The following KIAA2012 variants were observed in gnomAD, a reference collection of about 807,000 sequenced individuals.
KIAA2012 encodes uncharacterized protein KIAA2012.
Under a neutral mutation model 150.6 loss-of-function variants are expected in KIAA2012, and 125 were observed. The observed-to-expected ratio is 0.83, with a 90% confidence interval of 0.72 to 0.96. The LOEUF is 0.96. Among genes scored for constraint, KIAA2012 ranks in the 40% least tolerant of loss-of-function variants. The pLI is 0.00. For synonymous variants in KIAA2012, 462 were observed against 504.7 expected (o/e 0.92, Z 1.13); for missense variants, 1,219 against 1,354.9 (o/e 0.90, Z 1.57).
chr2:202,088,634 C>A (rs1414735901), intron 2 of KIAA2012, among the ~76,000 whole-genome samples: 1 of 152,154 alleles, frequency 6.6e-6, no homozygotes, highest in Non-Finnish European at 1.5e-5. Context: ...CATAAGCTGG[C>A]TCAGTGGAAC....
chr2:202,136,797 C>G (rs1007661619), intron 12 of KIAA2012: 41 of 152,330 alleles, frequency 2.7e-4, no homozygotes, highest in African/African-American at 9.4e-4. Flanking sequence ...CAGCGGCGGG[C>G]TGAAGGGCTC....
chr2:202,148,871 G>A (rs754284400), intron 13 of KIAA2012, among the ~76,000 whole-genome samples: 2 of 152,120 alleles, frequency 1.3e-5, no homozygotes, highest in African/African-American at 2.4e-5. Flanking sequence ...TGTATACAAC[G>A]CCCGGCCCAT....
intron 14 of KIAA2012, among the ~76,000 whole-genome samples, chr2:202,160,527 A>C (rs1376046067): frequency 6.6e-6 from 1 of 151,910 alleles, no homozygotes; most frequent in Non-Finnish European, 1.5e-5. Context: ...GTTAGCCAGC[A>C]TGGTCTCGAT....
At chr2:202,077,111 A>G (rs1482466265) in intron 2 of KIAA2012, 1 of 451,880 alleles carries the variant, frequency 2.2e-6, no homozygotes, top group Non-Finnish European at 4.4e-6. Context: ...TGACCCCACC[A>G]GCTCCTCCCT....
chr2:202,148,252 C>T (rs572130837), intron 13 of KIAA2012, among the ~76,000 whole-genome samples: 1 of 152,268 alleles, frequency 6.6e-6, no homozygotes, highest in East Asian at 1.9e-4. Flanking sequence ...AAATGAGCCC[C>T]TCACAGGAGC....
chr2:202,097,103 T>G (rs1264129899), intron 4 of KIAA2012, among the ~76,000 whole-genome samples: 1 of 152,154 alleles, frequency 6.6e-6, no homozygotes, highest in Admixed American at 6.5e-5. Flanking sequence ...CAAGGGGCTG[T>G]CACATTCATT....
At chr2:202,195,692 C>T (rs879373689) in intron 21 of KIAA2012, among the ~76,000 whole-genome samples, 4 of 152,182 alleles carry the variant, frequency 2.6e-5, no homozygotes, top group Admixed American at 2.6e-4. Context: ...CAACCCCCTA[C>T]CCTTCCCTGC....
intron 15 of KIAA2012, among the ~76,000 whole-genome samples, chr2:202,180,627 C>T (rs1321745804): frequency 6.6e-6 from 1 of 152,118 alleles, no homozygotes; most frequent in Non-Finnish European, 1.5e-5. Context: ...GGTTTAAGAC[C>T]AGCCTGGCCA....
chr2:202,113,500 T>C (rs1294386344), intron 11 of KIAA2012, 54 bp downstream of exon 11: 5 of 1,297,850 alleles, frequency 3.9e-6, no homozygotes, highest in Non-Finnish European at 5.3e-6. Flanking sequence ...AAGGGGAAGA[T>C]GTTACCTGCA....
intron 18 of KIAA2012, among the ~76,000 whole-genome samples, chr2:202,189,427 G>A (rs1052823396): frequency 6.6e-6 from 1 of 151,754 alleles, no homozygotes. Flanking sequence ...GAGTACCTGG[G>A]ATTATAGGCA....
At chr2:202,148,249 C>A (rs553907415) in intron 13 of KIAA2012, among the ~76,000 whole-genome samples, 4 of 152,266 alleles carry the variant, frequency 2.6e-5, no homozygotes, top group African/African-American at 9.6e-5. Context: ...ACGAAATGAG[C>A]CCCTCACAGG....
At position 202,100,339 on chromosome 2, in the gene KIAA2012, AGAAGCAGCC is replaced by A; in HGVS notation, c.1046_1054del (p.Arg349_His352delinsAsn). ...AAGGAACGTGAAACTCCACAAGGCC[AGAAGCAGCC>A]ACTTGTTACAGGTGCTTCCTGCTGA... On this transcript the variant is annotated inframe_deletion, in exon 7 of 24. Coordinates refer to ENST00000498697, the MANE Select transcript of KIAA2012 (RefSeq NM_001277372.4). 6.4e-7 allele frequency: 1 copy of A among 1,550,634 alleles called. No homozygotes were observed.
intron 13 of KIAA2012, among the ~76,000 whole-genome samples, chr2:202,151,111 A>G (rs1180500858): frequency 6.6e-6 from 1 of 152,030 alleles, no homozygotes; most frequent in African/African-American, 2.4e-5. Flanking sequence ...TAATCAGACC[A>G]CAGGGCCAGG....
chr2:202,098,947 G>A (rs1689971811), intron 5 of KIAA2012, among the ~76,000 whole-genome samples: 1 of 149,548 alleles, frequency 6.7e-6, no homozygotes, highest in Non-Finnish European at 1.5e-5. Flanking sequence ...AGGGGGAGAA[G>A]AGCCACAGAG....
At chr2:202,181,547 A>G (rs1414128970) in intron 15 of KIAA2012, among the ~76,000 whole-genome samples, 1 of 151,968 alleles carries the variant, frequency 6.6e-6, no homozygotes, top group African/African-American at 2.4e-5. Flanking sequence ...ATGCCACTGC[A>G]CTCCACCCTG....
At position 202,190,445 on chromosome 2, in the gene KIAA2012, T is replaced by C; in HGVS notation, c.2763T>C (p.Thr921=). 1 of 1,547,258 alleles carries C rather than the reference T, an allele frequency of 6.5e-7. No individual in the cohort carries two copies. The highest frequency in any genetic ancestry group is 8.7e-7 in the Non-Finnish European group (1 of 1,145,022). Residue 921 remains threonine (T), a synonymous_variant, in exon 19 of 24, where the codon ACT becomes ACC. Coordinates refer to ENST00000498697, the MANE Select transcript of KIAA2012 (RefSeq NM_001277372.4). ...RSSPSQIATV[T]GNMESKEERR... is the part of the protein sequence containing the mutation. Reference sequence around the variant, plus strand: ...CACCCTCTCAGATTGCAACTGTCACTGGCAACATGGAATCTAAAGAAGAGA... The same window carrying C: ...CACCCTCTCAGATTGCAACTGTCACCGGCAACATGGAATCTAAAGAAGAGA...
chr2:202,134,426 C>T (rs1162928426), intron 12 of KIAA2012, among the ~76,000 whole-genome samples: 3 of 152,188 alleles, frequency 2.0e-5, no homozygotes, highest in Non-Finnish European at 4.4e-5. Flanking sequence ...CCAGGTGGCC[C>T]GCCTGGCCTA....
chr2:202,182,176 G>A (rs374972404), intron 15 of KIAA2012, among the ~76,000 whole-genome samples: 28 of 142,144 alleles, frequency 2.0e-4, no homozygotes, highest in African/African-American at 5.6e-4. Context: ...GTGCAATGGC[G>A]CGATCTCAGT....
chr2:202,125,423 G>A (rs1690759421), intron 12 of KIAA2012, 141 bp downstream of exon 12: 6 of 676,736 alleles, frequency 8.9e-6, no homozygotes, highest in Non-Finnish European at 1.5e-5. Context: ...TTGCTTCTTG[G>A]AAAGCCTGAG....
Sources: allele counts gnomAD v4.1 joint callset (sites outside exome capture counted in the v4.1 genomes callset), GRCh38; gene constraint gnomAD v4.1.1; transcripts MANE v1.5; gene names NCBI Gene and HGNC (gene_info 2026-07-23, HGNC 2026-07-21).